TBL1X: variants seen among roughly 807,000 people sequenced by gnomAD.
TBL1X encodes the protein transducin beta like 1 X-linked, also known as F-box-like/WD repeat-containing protein TBL1X.
In TBL1X, 10 loss-of-function variants were observed where a neutral mutation model predicts 50.7. The ratio of observed to expected loss-of-function variants is 0.20; its 90% CI spans 0.12 to 0.33. TBL1X has a LOEUF of 0.33. TBL1X is among the 10% of genes least tolerant of loss of function. TBL1X has a pLI of 1.00. For missense variants in TBL1X, 340 were observed against 504.4 expected (o/e 0.67, Z 3.12); for synonymous variants, 190 against 214.7 (o/e 0.88, Z 1.01).
chrX:9,473,485 G>T (rs773961927), intron 1 of TBL1X, among the ~76,000 whole-genome samples: 13 of 112,094 alleles, frequency 1.2e-4, no homozygotes, highest in African/African-American at 4.2e-4. Context: ...TCTTGTCTAG[G>T]TTTGTTCTTG....
At chrX:9,585,388 T>C (rs2082464583) in intron 2 of TBL1X, among the ~76,000 whole-genome samples, 2 of 85,349 alleles carry the variant, frequency 2.3e-5, no homozygotes, top group Non-Finnish European at 4.2e-5. Flanking sequence ...AGGCCGTCTC[T>C]AGGTCTGCTG....
At chrX:9,512,687 T>C (rs1379219392) in intron 2 of TBL1X, among the ~76,000 whole-genome samples, 2 of 109,879 alleles carry the variant, frequency 1.8e-5, no homozygotes, top group Non-Finnish European at 3.8e-5. Context: ...TTGGTAGAGA[T>C]GGGGTTTCAC....
intron 1 of TBL1X, among the ~76,000 whole-genome samples, chrX:9,469,535 C>T (rs5978322): frequency 0.015 from 1,686 of 112,566 alleles, 34 homozygotes; most frequent in African/African-American, 0.052. Context: ...CCATCAGTCA[C>T]GATGGTGTCT....
chrX:9,549,681 G>A (rs749465668), intron 2 of TBL1X, among the ~76,000 whole-genome samples: 9 of 111,691 alleles, frequency 8.1e-5, no homozygotes, highest in Non-Finnish European at 1.1e-4. Context: ...CAAAAGAAAG[G>A]GCGCTTGTTC....
chrX:9,563,667 C>T (rs923504439), intron 2 of TBL1X, among the ~76,000 whole-genome samples: 1 of 112,443 alleles, frequency 8.9e-6, no homozygotes, highest in African/African-American at 3.2e-5. Flanking sequence ...CTCACACTAG[C>T]CACATTTTGA....
chrX:9,626,415 T>C (rs1453112234), intron 2 of TBL1X, among the ~76,000 whole-genome samples: 2 of 111,962 alleles, frequency 1.8e-5, no homozygotes, highest in Non-Finnish European at 3.8e-5. Context: ...CGGAAGTCTT[T>C]TTGACAAAGG....
chrX:9,709,504 G>A, intron 14 of TBL1X, 129 bp from the exon 15 acceptor site: 1 of 1,046,919 alleles, frequency 9.6e-7, no homozygotes, highest in Admixed American at 2.6e-5. Flanking sequence ...CCTCCCTGCA[G>A]CCTTTCTCAC....
chrX:9,507,169 T>C (rs1461846352), intron 2 of TBL1X, among the ~76,000 whole-genome samples: 1 of 112,192 alleles, frequency 8.9e-6, no homozygotes, highest in African/African-American at 3.2e-5. Context: ...TTGCAGATGA[T>C]GTGATTTTGT....
intron 2 of TBL1X, among the ~76,000 whole-genome samples, chrX:9,530,802 T>C: frequency 8.9e-6 from 1 of 112,108 alleles, no homozygotes; most frequent in Non-Finnish European, 1.9e-5. Context: ...CGAGAATACA[T>C]ATACTTTTAA....
intron 2 of TBL1X, among the ~76,000 whole-genome samples, chrX:9,548,673 A>G (rs764935067): frequency 8.9e-6 from 1 of 112,553 alleles, no homozygotes; most frequent in Non-Finnish European, 1.9e-5. Context: ...GTACTTTACC[A>G]AATATCTGCT....
intron 5 of TBL1X, among the ~76,000 whole-genome samples, chrX:9,661,033 A>G (rs1209127295): frequency 2.7e-5 from 3 of 111,893 alleles, no homozygotes; most frequent in African/African-American, 6.5e-5. Flanking sequence ...CAGACACCCA[A>G]TCTGCCACAT....
At chrX:9,556,421 G>C (rs780105941) in intron 2 of TBL1X, among the ~76,000 whole-genome samples, 1 of 109,401 alleles carries the variant, frequency 9.1e-6, no homozygotes, top group Non-Finnish European at 1.9e-5. Flanking sequence ...ACTTTGGGAG[G>C]CTGAGGTGCA....
chrX:9,507,537 ATGT>A (rs2082032254), intron 2 of TBL1X, among the ~76,000 whole-genome samples: 2 of 112,283 alleles, frequency 1.8e-5, no homozygotes, highest in South Asian at 7.3e-4. Context: ...TATACATTCA[ATGT>A]TGTTCCTGTC....
intron 2 of TBL1X, among the ~76,000 whole-genome samples, chrX:9,541,132 C>G (rs1277711150): frequency 8.9e-6 from 1 of 111,775 alleles, no homozygotes; most frequent in East Asian, 2.8e-4. Flanking sequence ...CAGAATTTAA[C>G]TATAATTAAT....
chrX:9,470,312 G>A (rs2081805638), intron 1 of TBL1X, among the ~76,000 whole-genome samples: 1 of 112,343 alleles, frequency 8.9e-6, no homozygotes, highest in East Asian at 2.8e-4. Flanking sequence ...TCACTATGTC[G>A]CCCAGGGTAG....
At chrX:9,649,369 A>G (rs1447942324) in intron 3 of TBL1X, among the ~76,000 whole-genome samples, 2 of 112,372 alleles carry the variant, frequency 1.8e-5, no homozygotes, top group Admixed American at 9.4e-5. Flanking sequence ...CTTACCAAAC[A>G]TTACATCCTG....
At chrX:9,665,528 TATATATATATAA>T (rs1305445039) in intron 5 of TBL1X, among the ~76,000 whole-genome samples, 4 of 58,294 alleles carry the variant, frequency 6.9e-5, no homozygotes, top group African/African-American at 2.8e-4. Flanking sequence ...TATATATATA[TATATATATATAA>T]AAGGCCTTGG....
chrX:9,694,420 C>G (rs889270061), intron 11 of TBL1X, among the ~76,000 whole-genome samples: 16 of 110,847 alleles, frequency 1.4e-4, no homozygotes, highest in African/African-American at 4.3e-4. Flanking sequence ...CACAGTGAAA[C>G]CCAGTCTCTA....
Position 9,472,122 on chromosome X carries a change from C to T in TBL1X, c.-201+6675C>T, listed in dbSNP as rs182188529. Among the ~76,000 whole-genome samples, 82 of 111,967 alleles carry T rather than the reference C, an allele frequency of 7.3e-4. 1 individual carries two copies. Among genetic ancestry groups the T allele is most frequent in the Non-Finnish European group, 1.3e-4 (7 of 53,161 alleles). On this transcript the variant is annotated intron_variant, in intron 1 of 17. Transcript: ENST00000645353. Reference sequence around the variant, plus strand: ...TGACTCTTTCCAATTAGGGACCTGCCTGTTGTTAGGATTTAGAGTCCATGT... The same window carrying T: ...TGACTCTTTCCAATTAGGGACCTGCTTGTTGTTAGGATTTAGAGTCCATGT...
Sources: gnomAD v4.1 joint callset for allele counts (sites outside exome capture counted in the v4.1 genomes callset) on GRCh38, gnomAD v4.1.1 for gene constraint, MANE v1.5 for transcripts, NCBI Gene and HGNC (gene_info 2026-07-23, HGNC 2026-07-21) for gene names.